Variants in MAN1A2 observed in about 807,000 individuals in gnomAD.
MAN1A2 encodes mannosidase alpha class 1A member 2, also known as mannosyl-oligosaccharide 1,2-alpha-mannosidase IB.
Under a neutral mutation model 75.7 loss-of-function variants are expected in MAN1A2, and 26 were observed. The observed-to-expected ratio is 0.34, with a 90% CI of 0.25 to 0.48. The LOEUF is 0.48. Among genes scored for constraint, MAN1A2 ranks in the 20% least tolerant of loss-of-function variants. The pLI, the probability that MAN1A2 is intolerant of heterozygous loss-of-function variation, is 0.99. For synonymous variants in MAN1A2, 247 were observed against 264.6 expected, an observed-to-expected ratio of 0.93 and a Z score of 0.65; for missense variants, 562 against 775.5, an observed-to-expected ratio of 0.72 and a Z score of 3.27.
intron 1 of MAN1A2, among the ~76,000 whole-genome samples, chr1:117,380,713 T>C (rs1433847409): frequency 2.0e-5 from 3 of 152,214 alleles, no homozygotes; most frequent in Non-Finnish European, 4.4e-5. Context: ...TTCAGTTCTA[T>C]TCCATTCATC....
intron 6 of MAN1A2, among the ~76,000 whole-genome samples, chr1:117,458,523 A>ATTTTTTTTTTTTT (rs5777311): frequency 0.012 from 1,256 of 105,040 alleles, 33 homozygotes; most frequent in Non-Finnish European, 0.018. Flanking sequence ...ATATATATAT[A>ATTTTTTTTTTTTT]TTTTTTTTTT....
At chr1:117,419,352 GCC>G (rs1316835248) in intron 4 of MAN1A2, among the ~76,000 whole-genome samples, 3 of 151,990 alleles carry the variant, frequency 2.0e-5, no homozygotes, top group African/African-American at 7.2e-5. Context: ...AGAGATGGAG[GCC>G]CTCCCACCCT....
intron 5 of MAN1A2, among the ~76,000 whole-genome samples, chr1:117,425,768 GTTA>G (rs1218975658): frequency 2.6e-5 from 4 of 152,244 alleles, no homozygotes; most frequent in South Asian, 2.1e-4. Context: ...TGTGTATGTT[GTTA>G]TTATTATAGA....
At chr1:117,452,748 T>G (rs1649463543) in intron 6 of MAN1A2, among the ~76,000 whole-genome samples, 1 of 152,220 alleles carries the variant, frequency 6.6e-6, no homozygotes, top group African/African-American at 2.4e-5. Context: ...AGTGCTGATG[T>G]AGAAATTGCA....
intron 1 of MAN1A2, among the ~76,000 whole-genome samples, chr1:117,393,013 A>T (rs1289957): frequency 0.78 from 118,676 of 152,186 alleles, 46,660 homozygotes; most frequent in African/African-American, 0.87. Context: ...ATTTTAGGAA[A>T]GGGATTACTG....
chr1:117,401,470 G>T (rs147708468), intron 1 of MAN1A2, among the ~76,000 whole-genome samples: 2 of 152,232 alleles, frequency 1.3e-5, no homozygotes, highest in African/African-American at 4.8e-5. Context: ...CATTCCTGTG[G>T]ATTGGGGTGG....
chr1:117,482,222 G>T (rs1409280249), intron 8 of MAN1A2, among the ~76,000 whole-genome samples: 3 of 151,762 alleles, frequency 2.0e-5, no homozygotes, highest in Non-Finnish European at 4.4e-5. Flanking sequence ...TAATCCTTTG[G>T]GTATATACCC....
chr1:117,490,654 A>C (rs1650849733), intron 8 of MAN1A2, among the ~76,000 whole-genome samples: 1 of 152,080 alleles, frequency 6.6e-6, no homozygotes, highest in Admixed American at 6.6e-5. Context: ...CTCACTTTAC[A>C]TCAAAAGCTA....
chr1:117,408,218 ATGGG>A (rs1412991922), intron 3 of MAN1A2, among the ~76,000 whole-genome samples: 12 of 151,038 alleles, frequency 7.9e-5, no homozygotes, highest in Admixed American at 4.6e-4. Flanking sequence ...GTCCAAGGCT[ATGGG>A]GCACCATGAT....
At position 117,368,041 on chromosome 1, in the gene MAN1A2, C is replaced by T. The variant is rs1466701778; in HGVS notation, c.-143C>T. 4 of 729,788 alleles carry T rather than the reference C, an allele frequency of 5.5e-6. No homozygotes were observed. Among genetic ancestry groups the T allele is most frequent in the African/African-American group, 3.5e-5 (2 of 56,882 alleles). 45.2% of individuals were successfully genotyped at this position (729,788 alleles called of 1,614,324 possible). A position where few individuals can be genotyped will look rare whatever the true frequency, so the allele number is the denominator to read the frequency against. On this transcript the variant is annotated 5_prime_UTR_variant, in exon 1 of 13. Transcript: ENST00000356554. Reference sequence around the variant, plus strand: ...GAATGGATGGGCGTGAATGACGTGCCCTCTTAAAAAGCACAACAGTCCTTT... The same window carrying T: ...GAATGGATGGGCGTGAATGACGTGCTCTCTTAAAAAGCACAACAGTCCTTT...
intron 7 of MAN1A2, among the ~76,000 whole-genome samples, chr1:117,461,138 T>C (rs1403911849): frequency 6.6e-6 from 1 of 152,166 alleles, no homozygotes; most frequent in Non-Finnish European, 1.5e-5. Flanking sequence ...AAAAGATATC[T>C]TATGTAATAG....
At chr1:117,448,764 T>TGG (rs1216434729) in intron 6 of MAN1A2, among the ~76,000 whole-genome samples, 2 of 152,150 alleles carry the variant, frequency 1.3e-5, no homozygotes, top group Non-Finnish European at 1.5e-5. Context: ...AATGGAGTGA[T>TGG]GGGAGTGGCG....
In MAN1A2 at chr1:117,523,153, G is replaced by A; in HGVS notation, c.*196G>A. ...TCCATTTTATACCTGACCAAAACAT[G>A]TTCTGATATGTGTAGGACAGAGACC... On this transcript the variant is annotated 3_prime_UTR_variant, in exon 13 of 13. Coordinates refer to ENST00000356554, the MANE Select transcript of MAN1A2 (RefSeq NM_006699.5). 1.5e-6 allele frequency: 1 copy of A among 685,012 alleles called. No individual in the cohort carries two copies. The highest frequency in any genetic ancestry group is 2.8e-5 in the East Asian group (1 of 35,134). 42.4% of individuals were successfully genotyped at this position (685,012 alleles called of 1,614,324 possible).
chr1:117,421,571 T>C (rs1405922763), intron 5 of MAN1A2, among the ~76,000 whole-genome samples: 1 of 151,990 alleles, frequency 6.6e-6, no homozygotes, highest in Non-Finnish European at 1.5e-5. Context: ...TTTATCTATA[T>C]ATTTCATTTA....
chr1:117,489,981 C>G (rs1326497919), intron 8 of MAN1A2, among the ~76,000 whole-genome samples: 1 of 150,344 alleles, frequency 6.7e-6, no homozygotes, highest in Non-Finnish European at 1.5e-5. Context: ...AGTTTTGAAG[C>G]AGAGTTCAAG....
At chr1:117,438,194 T>C (rs1648906829) in intron 5 of MAN1A2, among the ~76,000 whole-genome samples, 1 of 152,232 alleles carries the variant, frequency 6.6e-6, no homozygotes, top group Admixed American at 6.5e-5. Flanking sequence ...GTTTTAATGA[T>C]CCTGACCCTG....
In MAN1A2 at chr1:117,435,090, T is replaced by G. The variant is rs1197320941; in HGVS notation, c.856-7141T>G. The stretch of plus-strand genomic sequence containing the variant: ...GAGTTAATTTTAGGTATTTTGAGTT[T>G]GAGGATTTTTTTATATTTAAGCGAA... On this transcript the variant is annotated intron_variant, in intron 5 of 12. Transcript: ENST00000356554. Among the ~76,000 whole-genome samples, 3 of 152,020 alleles carry G rather than the reference T, an allele frequency of 2.0e-5. No individual in the cohort carries two copies. In the East Asian group the frequency reaches 5.8e-4, roughly 29 times the overall value.
intron 1 of MAN1A2, among the ~76,000 whole-genome samples, chr1:117,400,385 A>T (rs910499578): frequency 6.7e-6 from 1 of 148,946 alleles, no homozygotes; most frequent in Non-Finnish European, 1.5e-5. Flanking sequence ...TAGATTGTGA[A>T]TTTTTCTTTT....
At chr1:117,470,060 ACT>A (rs777569222) in intron 8 of MAN1A2, among the ~76,000 whole-genome samples, 20 of 152,276 alleles carry the variant, frequency 1.3e-4, no homozygotes, top group Middle Eastern at 3.4e-3. Context: ...GGAGAAAGTA[ACT>A]CAAATGTCCA....
Sources: allele counts gnomAD v4.1 joint callset (sites outside exome capture counted in the v4.1 genomes callset), GRCh38; gene constraint gnomAD v4.1.1; transcripts MANE v1.5; gene names NCBI Gene and HGNC (gene_info 2026-07-23, HGNC 2026-07-21).